BRD9: variants seen among roughly 807,000 people sequenced by gnomAD.
BRD9 encodes the protein bromodomain containing 9, also known as bromodomain-containing protein 9.
In BRD9, 47 loss-of-function variants were observed where a neutral mutation model predicts 68.7. The ratio of observed to expected loss-of-function variants is 0.68; its 90% confidence interval spans 0.54 to 0.87. BRD9 has a LOEUF of 0.87. Among genes scored for constraint, BRD9 ranks in the 40% least tolerant of loss-of-function variants. The pLI is 0.00. For synonymous variants in BRD9, 313 were observed against 293.9 expected, an observed-to-expected ratio of 1.06 and a Z score of -0.67; for missense variants, 670 against 748.4, an observed-to-expected ratio of 0.90 and a Z score of 1.22.
intron 7 of BRD9, 78 bp downstream of exon 7, chr5:886,514 T>C: frequency 7.5e-7 from 1 of 1,329,108 alleles, no homozygotes; most frequent in Non-Finnish European, 1.1e-6. Flanking sequence ...ACTCACTCAC[T>C]CTCCCCTACA....
intron 14 of BRD9, among the ~76,000 whole-genome samples, chr5:867,531 C>T (rs1030391818): frequency 6.6e-6 from 1 of 152,260 alleles, no homozygotes. Context: ...AGGCTGTACC[C>T]TGCAGAGCCA....
chr5:874,937 G>T (rs73733910), intron 12 of BRD9, among the ~76,000 whole-genome samples: 5,704 of 152,276 alleles, frequency 0.037, 330 homozygotes, highest in African/African-American at 0.13. Flanking sequence ...GGAGGAAGAG[G>T]CAGTGGTGGA....
chr5:890,600 T>C (rs1266456508), intron 3 of BRD9, among the ~76,000 whole-genome samples: 1 of 152,186 alleles, frequency 6.6e-6, no homozygotes, highest in Admixed American at 6.5e-5. Flanking sequence ...CCAGCTTCCT[T>C]TGTCTCAGCC....
intron 8 of BRD9, chr5:881,444 G>A (rs1354073549): frequency 1.8e-6 from 1 of 546,394 alleles, no homozygotes; most frequent in Non-Finnish European, 3.3e-6. Flanking sequence ...TCACCCACGA[G>A]TAAACATTTA....
At chr5:865,644 AG>A in intron 14 of BRD9, 63 bp from the exon 15 acceptor site, 2 of 1,502,946 alleles carry the variant, frequency 1.3e-6, no homozygotes, top group Non-Finnish European at 1.8e-6. Context: ...CCCTAAGGGC[AG>A]GAGCACACTG....
intron 3 of BRD9, among the ~76,000 whole-genome samples, chr5:890,775 A>G (rs1753237160): frequency 1.3e-5 from 2 of 152,126 alleles, no homozygotes; most frequent in Admixed American, 1.3e-4. Flanking sequence ...ACCAAACTTC[A>G]AGACCCAGGG....
Position 871,577 on chromosome 5 carries a change from T to C in BRD9, c.1384-13A>G. The C allele has an allele frequency of 1.2e-6, 2 of 1,613,446 alleles. No homozygotes were observed. The highest frequency in any genetic ancestry group is 1.7e-6 in the Non-Finnish European group (2 of 1,179,364). On this transcript the variant is annotated splice_polypyrimidine_tract_variant and intron_variant, in intron 12 of 15. Transcript: ENST00000467963. ...GAACATTTCTTCTCTGAAAAGTAAA[T>C]GAGGACAGAAACTAGTTTTTCCAGA...
intron 8 of BRD9, 74 bp downstream of exon 8, chr5:883,864 C>T: frequency 6.4e-7 from 1 of 1,565,378 alleles, no homozygotes; most frequent in South Asian, 1.2e-5. Context: ...TCACACAGCA[C>T]CAACCCAGAA....
intron 12 of BRD9, among the ~76,000 whole-genome samples, chr5:875,589 T>G (rs572853696): frequency 2.0e-5 from 3 of 152,268 alleles, no homozygotes; most frequent in Non-Finnish European, 4.4e-5. Context: ...ACCTTGGATC[T>G]GCCCGCCTCG....
chr5:874,887 A>G (rs1225283396), intron 12 of BRD9, among the ~76,000 whole-genome samples: 1 of 152,234 alleles, frequency 6.6e-6, no homozygotes, highest in East Asian at 1.9e-4. Flanking sequence ...GCCATGTGAG[A>G]TAACACGAGC....
intron 8 of BRD9, chr5:883,026 A>G: frequency 3.0e-6 from 1 of 331,860 alleles, no homozygotes; most frequent in Non-Finnish European, 5.8e-6. Flanking sequence ...ACCTCCCAAC[A>G]CGCAAGCCAT....
intron 3 of BRD9, 40 bp downstream of exon 3, chr5:891,115 G>A (rs1235120792): frequency 1.1e-5 from 16 of 1,517,330 alleles, no homozygotes; most frequent in Middle Eastern, 1.7e-4. Context: ...ACAACGATGA[G>A]CTGTGAACAC....
At chr5:885,398 C>G (rs934903839) in intron 7 of BRD9, among the ~76,000 whole-genome samples, 1 of 152,198 alleles carries the variant, frequency 6.6e-6, no homozygotes, top group African/African-American at 2.4e-5. Flanking sequence ...CTGCTCAGAG[C>G]AGAAGCACCG....
intron 12 of BRD9, among the ~76,000 whole-genome samples, chr5:873,402 T>C (rs1750436351): frequency 6.6e-6 from 1 of 152,148 alleles, no homozygotes; most frequent in South Asian, 2.1e-4. Context: ...CATTCTTTTC[T>C]CTTCACCCCA....
chr5:884,021 C>G lies in BRD9; in HGVS notation c.883G>C (p.Ala295Pro). ...ACCAGCGCCAGCACGTGCTCCTCTG[C>G]GGTACTGTCCGTCAAGCTGCAGGCA... ...GNACSLTDST[A>P]EEHVLALVEH... The change falls in exon 8 of 16, where the codon GCA (alanine) becomes CCA (proline). Residue 295 changes from alanine (A) to proline (P), a missense_variant. Ala to Pro is a conservative substitution (Grantham distance 27, BLOSUM62 -1). Around this residue, in one of 5 missense-constraint regions of BRD9, gnomAD observed 135 missense variants for 141.2 expected, o/e 0.96. Coordinates refer to ENST00000467963, the MANE Select transcript of BRD9 (RefSeq NM_023924.5). The G allele has an allele frequency of 6.2e-7, 1 of 1,613,854 alleles. No individual in the cohort carries two copies. The highest frequency in any genetic ancestry group is 8.5e-7 in the Non-Finnish European group (1 of 1,180,044).
In BRD9 at chr5:887,484, C is replaced by A. The variant is rs745804490; in HGVS notation, c.607-13G>T. 2 of 1,596,306 alleles carry A rather than the reference C, an allele frequency of 1.3e-6. No individual in the cohort carries two copies. The highest frequency in any genetic ancestry group is 1.7e-6 in the Non-Finnish European group (2 of 1,164,488). On this transcript the variant is annotated splice_polypyrimidine_tract_variant and intron_variant, in intron 5 of 15. Transcript: ENST00000467963. ...GCTTGAAATCTGCCTGAAAAGAAAA[C>A]AGGAAAGACTTATCAGGTTTGAAAT... is the stretch of plus-strand genomic sequence containing the variant.
chr5:873,327 C>T (rs765203816), intron 12 of BRD9, among the ~76,000 whole-genome samples: 5 of 152,162 alleles, frequency 3.3e-5, no homozygotes, highest in Admixed American at 6.5e-5. Flanking sequence ...GCTCTGACCC[C>T]GTTCTTTGTT....
chr5:867,081 C>T (rs1431837054), intron 14 of BRD9, among the ~76,000 whole-genome samples: 1 of 152,156 alleles, frequency 6.6e-6, no homozygotes. Context: ...GGGACATGTG[C>T]CATGGTGCTC....
chr5:887,577 G>A, intron 5 of BRD9, 106 bp from the exon 6 acceptor site: 1 of 859,634 alleles, frequency 1.2e-6, no homozygotes. Context: ...CAATCGAGTA[G>A]AAAACAATTC....
Sources: allele counts gnomAD v4.1 joint callset (sites outside exome capture counted in the v4.1 genomes callset), GRCh38; gene constraint gnomAD v4.1.1; regional missense constraint gnomAD v4.1.1; transcripts MANE v1.5; gene names NCBI Gene and HGNC (gene_info 2026-07-23, HGNC 2026-07-21).